The following NPFFR1 variants were observed in gnomAD, a reference collection of about 807,000 sequenced individuals.
The protein encoded by NPFFR1 is G-protein coupled receptor 147.
NPFFR1 carries 17 observed loss-of-function variants against 12.7 expected under a neutral mutation model. The observed-to-expected ratio is 1.34, with a 90% CI of 0.92 to 2.01. The LOEUF (loss-of-function observed/expected upper bound fraction) is 2.01, where lower values mean the gene tolerates loss of function less well. Among genes scored for constraint, NPFFR1 ranks in the 30% most tolerant of loss-of-function variants. NPFFR1 has a pLI of 0.00. For synonymous variants in NPFFR1, 296 were observed against 264.5 expected (o/e 1.12, Z -1.16); for missense variants, 604 against 606.5 (o/e 1.00, Z 0.04).
At chr10:70,268,048 A>G (rs1840714420) in intron 1 of NPFFR1, among the ~76,000 whole-genome samples, 1 of 152,242 alleles carries the variant, frequency 6.6e-6, no homozygotes, top group African/African-American at 2.4e-5. Flanking sequence ...TGTAATAAAC[A>G]TATACAAGAG....
At chr10:70,259,434 G>A (rs181904981) in intron 3 of NPFFR1, among the ~76,000 whole-genome samples, 17 of 152,316 alleles carry the variant, frequency 1.1e-4, no homozygotes, top group Non-Finnish European at 1.5e-4. Context: ...TCCTGGATGA[G>A]GTGGGACTTG....
chr10:70,278,574 G>C (rs1292854031), intron 1 of NPFFR1, among the ~76,000 whole-genome samples: 1 of 152,092 alleles, frequency 6.6e-6, no homozygotes, highest in African/African-American at 2.4e-5. Flanking sequence ...TGTCATATCA[G>C]GGTTGGAGTT....
At chr10:70,272,211 G>GAAAGAAAGA (rs10664195) in intron 1 of NPFFR1, among the ~76,000 whole-genome samples, 1 of 55,822 alleles carries the variant, frequency 1.8e-5, no homozygotes, top group South Asian at 5.3e-4. Context: ...AAGAAAGAAA[G>GAAAGAAAGA]GAAAGAAAGA....
rs1840480191 is a variant in NPFFR1, at chr10:70,248,670, G to C, written c.*6287C>G. The C allele has an allele frequency of 6.6e-6, 1 of 151,550 alleles. No homozygotes were observed. The highest frequency in any genetic ancestry group is 1.9e-4 in the East Asian group (1 of 5,144). 9.4% of individuals were successfully genotyped at this position (151,550 alleles called of 1,614,324 possible). A position where few individuals can be genotyped will look rare whatever the true frequency, so the allele number is the denominator to read the frequency against. Reference sequence around the variant, plus strand: ...TTGGCTAATTTTTGTATTTTTAATAGAGATGGGGTTTCACCATGTTAGCCA... The same window carrying C: ...TTGGCTAATTTTTGTATTTTTAATACAGATGGGGTTTCACCATGTTAGCCA... On this transcript the variant is annotated 3_prime_UTR_variant, in exon 4 of 4. Transcript: ENST00000277942.
chr10:70,278,499 G>A (rs1018252073), intron 1 of NPFFR1, among the ~76,000 whole-genome samples: 1 of 152,140 alleles, frequency 6.6e-6, no homozygotes, highest in African/African-American at 2.4e-5. Flanking sequence ...CCTTGTGGGT[G>A]TTACAGCTCC....
At position 70,269,575 on chromosome 10, in the gene NPFFR1, G is replaced by T. The variant is rs538770585; in HGVS notation, c.8-3184C>A. Among the ~76,000 whole-genome samples the T allele has an allele frequency of 6.0e-5, 9 of 149,872 alleles. No individual in the cohort carries two copies. The South Asian group carries it at 1.7e-3, about 28-fold the overall frequency. On this transcript the variant is annotated intron_variant, in intron 1 of 3. Coordinates refer to ENST00000277942, the MANE Select transcript of NPFFR1 (RefSeq NM_022146.5). Reference sequence around the variant, plus strand: ...GCCCAGACTGGAGTGCAATGGCTTCGATCTTGGCTCACTGCAACCTCTGCC... The same window carrying T: ...GCCCAGACTGGAGTGCAATGGCTTCTATCTTGGCTCACTGCAACCTCTGCC...
intron 1 of NPFFR1, among the ~76,000 whole-genome samples, chr10:70,272,211 G>GAAAGAGAGAAAA (rs10664195): frequency 1.8e-5 from 1 of 55,822 alleles, no homozygotes; most frequent in African/African-American, 7.9e-5. Context: ...AAGAAAGAAA[G>GAAAGAGAGAAAA]GAAAGAAAGA....
intron 3 of NPFFR1, among the ~76,000 whole-genome samples, chr10:70,256,569 C>G (rs1370484423): frequency 6.6e-6 from 1 of 152,202 alleles, no homozygotes; most frequent in African/African-American, 2.4e-5. Flanking sequence ...TCATCTTGGC[C>G]ATAGTATCAG....
Position 70,255,211 on chromosome 10 carries a change from G to A in NPFFR1, c.1039C>T (p.Arg347Cys). The A allele has an allele frequency of 1.3e-6, 2 of 1,550,190 alleles. No individual in the cohort carries two copies. The highest frequency in any genetic ancestry group is 1.2e-5 in the South Asian group (1 of 84,982). Reference sequence around the variant, plus strand: ...CTCCCCGACGGGCGCGGGCAGAGGCGGGCGCGGAAGGCGGCCTGGAAGCCG... The same window carrying A: ...CTCCCCGACGGGCGCGGGCAGAGGCAGGCGCGGAAGGCGGCCTGGAAGCCG... ...RRGFQAAFRA[R>C]LCPRPSGSHK... is the part of the protein sequence containing the mutation. Residue 347 changes from arginine to cysteine, a missense_variant, in exon 4 of 4, where the codon CGC becomes TGC. Transcript: ENST00000277942. This position sits in a 1 kb window ranked among gnomAD's most constrained non-coding sequence, Gnocchi z 4.2.
intron 1 of NPFFR1, among the ~76,000 whole-genome samples, chr10:70,272,161 G>A (rs1366665522): frequency 7.2e-6 from 1 of 137,986 alleles, no homozygotes; most frequent in Non-Finnish European, 1.6e-5. Context: ...GAGAGAGAGA[G>A]AGAAAGAAAG....
rs145496502 is a variant in NPFFR1 at position 70,267,611 on chromosome 10, G to C, written c.8-1220C>G. On this transcript the variant is annotated intron_variant, in intron 1 of 3. Coordinates refer to ENST00000277942, the MANE Select transcript of NPFFR1 (RefSeq NM_022146.5). ...TCCCCAGGCTTGCTTCGAAGGGAAG[G>C]CTCAGTGTCCAACCACAGCTCTTCT... Among the ~76,000 whole-genome samples the C allele has an allele frequency of 5.4e-3, 826 of 152,334 alleles. 11 individuals are homozygous for C. The highest frequency in any genetic ancestry group is 0.019 in the African/African-American group (777 of 41,580).
At chr10:70,260,437 G>T (rs1840619533) in intron 3 of NPFFR1, among the ~76,000 whole-genome samples, 1 of 152,180 alleles carries the variant, frequency 6.6e-6, no homozygotes, top group Non-Finnish European at 1.5e-5. Context: ...TTCCAGAAGG[G>T]GGTGGTAGTG....
chr10:70,269,248 C>A (rs1840726245), intron 1 of NPFFR1, among the ~76,000 whole-genome samples: 1 of 152,144 alleles, frequency 6.6e-6, no homozygotes, highest in Non-Finnish European at 1.5e-5. Flanking sequence ...CCTCTGCCTC[C>A]TGGGCTCAAG....
At position 70,255,448 on chromosome 10, in the gene NPFFR1, C is replaced by A; in HGVS notation, c.802G>T (p.Val268Leu). Residue 268 changes from valine (V) to leucine (L), a missense_variant, in exon 4 of 4, where the codon GTG (valine) becomes TTG (leucine). Physicochemically the swap from Val to Leu is conservative, Grantham distance 32 (BLOSUM62 1). Transcript: ENST00000277942. This position sits in a 1 kb window ranked among gnomAD's most constrained non-coding sequence, Gnocchi z 4.2. Reference sequence around the variant, plus strand: ...GCCACCATGACCAGCATGTGCACCACGCGCGCTCTGCGCCGCGATGCTCGC... The same window carrying A: ...GCCACCATGACCAGCATGTGCACCAAGCGCGCTCTGCGCCGCGATGCTCGC... Reference protein sequence around the residue: ...DPRASRRRARVVHMLVMVALF... With the variant: ...DPRASRRRARLVHMLVMVALF... 1 of 1,548,168 alleles carries A rather than the reference C, an allele frequency of 6.5e-7. No homozygotes were observed. The highest frequency in any genetic ancestry group is 8.7e-7 in the Non-Finnish European group (1 of 1,146,570).
chr10:70,249,592 C>T lies in NPFFR1; in HGVS notation c.*5365G>A, dbSNP rs1054896718. 1.3e-5 allele frequency: 2 copies of T among 151,422 alleles called. No homozygotes were observed. The highest frequency in any genetic ancestry group is 4.0e-4 in the East Asian group (2 of 5,058). 9.4% of individuals were successfully genotyped at this position (151,422 alleles called of 1,614,324 possible). Reference sequence around the variant, plus strand: ...CTGCCTCCCAGGTTCAAGTGATTCTCCTGCCTCAGTCTCCCAAGTAGCTGG... The same window carrying T: ...CTGCCTCCCAGGTTCAAGTGATTCTTCTGCCTCAGTCTCCCAAGTAGCTGG... On this transcript the variant is annotated 3_prime_UTR_variant, in exon 4 of 4. Coordinates refer to ENST00000277942, the MANE Select transcript of NPFFR1 (RefSeq NM_022146.5).
chr10:70,255,137 C>A lies in NPFFR1; in HGVS notation c.1113G>T (p.Arg371=). Reference sequence around the variant, plus strand: ...CGCTGGGCCGCACCACCACGAAGACCCGCCTGTGCAGAAGCCCGCCGGGCC... The same window carrying A: ...CGCTGGGCCGCACCACCACGAAGACACGCCTGTGCAGAAGCCCGCCGGGCC... ...SERPGGLLHR[R]VFVVVRPSDS... is the part of the protein sequence containing the mutation. Residue 371 remains arginine, a synonymous_variant, in exon 4 of 4, where the codon CGG becomes CGT. Transcript: ENST00000277942. The surrounding 1 kb of genome is among the most constrained non-coding windows in gnomAD (Gnocchi z 4.2). 1 of 1,526,344 alleles carries A rather than the reference C, an allele frequency of 6.6e-7. No individual in the cohort carries two copies. The highest frequency in any genetic ancestry group is 8.8e-7 in the Non-Finnish European group (1 of 1,138,662). 94.6% of individuals were successfully genotyped at this position (1,526,344 alleles called of 1,614,324 possible).
chr10:70,274,673 G>C lies in NPFFR1; in HGVS notation c.8-8282C>G, dbSNP rs989632789. On this transcript the variant is annotated intron_variant, in intron 1 of 3. Transcript: ENST00000277942. ...TCTACTTCATCCCTGTGTTCTCCTTGGCTTTCGAATGTGGATGACCTGGGC... is the reference window on the plus strand; with the variant it reads ...TCTACTTCATCCCTGTGTTCTCCTTCGCTTTCGAATGTGGATGACCTGGGC... Among the ~76,000 whole-genome samples the C allele has an allele frequency of 9.2e-5, 14 of 152,296 alleles. No homozygotes were observed. The East Asian group carries it at 2.7e-3, about 29-fold the overall frequency.
chr10:70,252,051 C>CAG lies in NPFFR1; in HGVS notation c.*2904_*2905dup, dbSNP rs1564591870. 3 of 152,180 alleles carry CAG rather than the reference C, an allele frequency of 2.0e-5. No individual in the cohort carries two copies. The highest frequency in any genetic ancestry group is 2.0e-4 in the Admixed American group (3 of 15,282). 9.4% of individuals were successfully genotyped at this position (152,180 alleles called of 1,614,324 possible). On this transcript the variant is annotated 3_prime_UTR_variant, in exon 4 of 4. Coordinates refer to ENST00000277942, the MANE Select transcript of NPFFR1 (RefSeq NM_022146.5). ...GGGGTCTCTGTCCTCAGGATTCACA[C>CAG]AGGCACTATTGTCAGGAACTACTTC...
intron 1 of NPFFR1, among the ~76,000 whole-genome samples, chr10:70,271,689 C>T (rs533602283): frequency 6.6e-6 from 1 of 152,210 alleles, no homozygotes; most frequent in South Asian, 2.1e-4. Flanking sequence ...GATGAGACGA[C>T]ATGTGAGAAC....
Sources: allele counts gnomAD v4.1 joint callset (sites outside exome capture counted in the v4.1 genomes callset), GRCh38; gene constraint gnomAD v4.1.1; non-coding constraint Gnocchi (gnomAD v3.1); transcripts MANE v1.5; gene names NCBI Gene and HGNC (gene_info 2026-07-23, HGNC 2026-07-21).